Variants in KCNT2 observed in about 807,000 individuals in gnomAD.
The protein encoded by KCNT2 is potassium sodium-activated channel subfamily T member 2.
In KCNT2, 67 loss-of-function variants were observed where a neutral mutation model predicts 153.8. That is an observed-to-expected ratio of 0.44 (90% confidence interval 0.36 to 0.53). The LOEUF (loss-of-function observed/expected upper bound fraction) is 0.53, where lower values mean the gene tolerates loss of function less well. Ranked by LOEUF, KCNT2 falls within the 20% of genes least tolerant of loss-of-function variation. The pLI is 0.00. For synonymous variants in KCNT2, 500 were observed against 458.8 expected (o/e 1.09, Z -1.15); for missense variants, 975 against 1,354.8 (o/e 0.72, Z 4.40).
intron 1 of KCNT2, among the ~76,000 whole-genome samples, chr1:196,601,283 C>T (rs868597619): frequency 7.9e-5 from 12 of 152,300 alleles, no homozygotes; most frequent in Middle Eastern, 3.4e-3. Context: ...CCAGACTAGG[C>T]TCATCTTCAA....
Position 196,226,601 on chromosome 1 carries a change from G to T in KCNT2, c.*1623C>A, listed in dbSNP as rs1029707625. On this transcript the variant is annotated 3_prime_UTR_variant, in exon 28 of 28. Coordinates refer to ENST00000294725, the MANE Select transcript of KCNT2 (RefSeq NM_198503.5). ...TGTGAATAATGTAAAATACCAAAAAGAAAAAAAGACATTTCATAGCCTCCA... is the reference window on the plus strand; with the variant it reads ...TGTGAATAATGTAAAATACCAAAAATAAAAAAAGACATTTCATAGCCTCCA... The T allele has an allele frequency of 1.3e-5, 2 of 151,654 alleles. No individual in the cohort carries two copies. Among genetic ancestry groups the T allele is most frequent in the East Asian group, 3.9e-4 (2 of 5,184 alleles). 9.4% of individuals were successfully genotyped at this position (151,654 alleles called of 1,614,324 possible).
chr1:196,395,300 T>C (rs1670838411), intron 13 of KCNT2, among the ~76,000 whole-genome samples: 1 of 151,672 alleles, frequency 6.6e-6, no homozygotes, highest in African/African-American at 2.4e-5. Context: ...ATATATTTTC[T>C]ATTCTCTGAG....
intron 13 of KCNT2, among the ~76,000 whole-genome samples, chr1:196,383,874 C>T (rs1025628388): frequency 2.6e-5 from 4 of 152,100 alleles, no homozygotes; most frequent in African/African-American, 9.7e-5. Flanking sequence ...AATCCCTTGC[C>T]TGTAAGTATG....
chr1:196,548,186 T>C (rs1441710483), intron 1 of KCNT2, among the ~76,000 whole-genome samples: 1 of 151,950 alleles, frequency 6.6e-6, no homozygotes, highest in African/African-American at 2.4e-5. Flanking sequence ...TAAAGGGAGA[T>C]CTGTTTTTAT....
intron 3 of KCNT2, among the ~76,000 whole-genome samples, chr1:196,486,038 G>T (rs1679393096): frequency 6.6e-6 from 1 of 151,916 alleles, no homozygotes; most frequent in South Asian, 2.1e-4. Flanking sequence ...GAGAATTTAA[G>T]TAGCAGATGC....
At chr1:196,515,598 A>G (rs1012674017) in intron 1 of KCNT2, among the ~76,000 whole-genome samples, 1 of 152,216 alleles carries the variant, frequency 6.6e-6, no homozygotes, top group African/African-American at 2.4e-5. Flanking sequence ...TACTTTAACA[A>G]TAGATTACAT....
chr1:196,379,378 C>T (rs1195449846), intron 13 of KCNT2, among the ~76,000 whole-genome samples: 4 of 152,062 alleles, frequency 2.6e-5, no homozygotes, highest in African/African-American at 4.8e-5. Flanking sequence ...TGAGACCAAC[C>T]TGGCCAACAT....
At chr1:196,312,291 GAT>G (rs2148006525) in intron 21 of KCNT2, among the ~76,000 whole-genome samples, 1 of 151,812 alleles carries the variant, frequency 6.6e-6, no homozygotes, top group South Asian at 2.1e-4. Context: ...AAGGAGTGGA[GAT>G]ACACTATTCC....
chr1:196,249,464 G>T lies in KCNT2; in HGVS notation c.3211+8730C>A, dbSNP rs1454100591. 2.0e-5 allele frequency among the ~76,000 whole-genome samples: 3 copies of T among 152,006 alleles called. No homozygotes were observed. The East Asian group carries it at 5.8e-4, about 29-fold the overall frequency. On this transcript the variant is annotated intron_variant, in intron 26 of 27. Transcript: ENST00000294725. ...TAAACAAATTCAGTAAAGTTGCAGG[G>T]TACAAAATCAACATACAAAAATCAA...
chr1:196,235,828 A>T (rs1351671258), intron 27 of KCNT2, among the ~76,000 whole-genome samples, 158 bp downstream of exon 27: 1 of 151,466 alleles, frequency 6.6e-6, no homozygotes, highest in African/African-American at 2.4e-5. Context: ...TATTGCACAC[A>T]ACACATGAAA....
chr1:196,564,421 C>T (rs564598359), intron 1 of KCNT2, among the ~76,000 whole-genome samples: 1 of 151,922 alleles, frequency 6.6e-6, no homozygotes, highest in East Asian at 1.9e-4. Context: ...AATGTCCACA[C>T]TACCCAGTGA....
chr1:196,506,092 G>A (rs755392070), intron 1 of KCNT2, among the ~76,000 whole-genome samples: 14 of 151,946 alleles, frequency 9.2e-5, no homozygotes, highest in South Asian at 2.1e-4. Flanking sequence ...AATATGTTGC[G>A]GAAAATATGT....
At chr1:196,420,945 T>C (rs1311018244) in intron 12 of KCNT2, among the ~76,000 whole-genome samples, 1 of 152,044 alleles carries the variant, frequency 6.6e-6, no homozygotes, top group Non-Finnish European at 1.5e-5. Context: ...GAACCTACTT[T>C]TCTTATAGAC....
chr1:196,573,457 G>A (rs1472251078), intron 1 of KCNT2, among the ~76,000 whole-genome samples: 2 of 152,004 alleles, frequency 1.3e-5, no homozygotes, highest in Non-Finnish European at 2.9e-5. Flanking sequence ...TTCATGATGG[G>A]AAGTCTTGAT....
At chr1:196,308,837 C>G (rs1027655897) in intron 21 of KCNT2, among the ~76,000 whole-genome samples, 1 of 151,874 alleles carries the variant, frequency 6.6e-6, no homozygotes, top group African/African-American at 2.4e-5. Context: ...CAATATCTAG[C>G]AATGGATTCA....
intron 2 of KCNT2, among the ~76,000 whole-genome samples, chr1:196,490,765 T>C (rs1345487275): frequency 6.6e-6 from 1 of 151,882 alleles, no homozygotes; most frequent in East Asian, 1.9e-4. Context: ...ACAATATGCA[T>C]AAAGTCTGAT....
intron 1 of KCNT2, among the ~76,000 whole-genome samples, chr1:196,578,608 T>C (rs537248604): frequency 2.6e-5 from 4 of 152,260 alleles, no homozygotes; most frequent in African/African-American, 9.6e-5. Context: ...AGTCCACACA[T>C]TGCAACTTAA....
chr1:196,439,549 A>G (rs544975365), intron 8 of KCNT2, among the ~76,000 whole-genome samples: 5 of 152,092 alleles, frequency 3.3e-5, no homozygotes, highest in Admixed American at 2.6e-4. Context: ...TCCAAATACA[A>G]CCTACAGATA....
chr1:196,338,469 T>C (rs1665249231), intron 16 of KCNT2, among the ~76,000 whole-genome samples: 1 of 152,060 alleles, frequency 6.6e-6, no homozygotes, highest in African/African-American at 2.4e-5. Flanking sequence ...TCAGGACAAT[T>C]ATATAAACTG....
Sources: allele counts gnomAD v4.1 joint callset (sites outside exome capture counted in the v4.1 genomes callset), GRCh38; gene constraint gnomAD v4.1.1; transcripts MANE v1.5; gene names NCBI Gene and HGNC (gene_info 2026-07-23, HGNC 2026-07-21).